Variants in TANC1 observed in about 807,000 individuals in gnomAD.
TANC1 encodes tetratricopeptide repeat, ankyrin repeat and coiled-coil containing 1.
TANC1 carries 77 observed loss-of-function variants against 149.7 expected under a neutral mutation model. The observed-to-expected ratio is 0.51, with a 90% confidence interval of 0.43 to 0.62. The LOEUF (loss-of-function observed/expected upper bound fraction) is 0.62. Ranked by LOEUF, TANC1 falls within the 20% of genes least tolerant of loss-of-function variation. The pLI, the probability that TANC1 is intolerant of heterozygous loss-of-function variation, is 0.00. For missense variants in TANC1, 1,985 were observed against 2,321.8 expected (o/e 0.85, Z 2.98); for synonymous variants, 854 against 925.0 (o/e 0.92, Z 1.39).
At chr2:159,219,931 G>C (rs1396017730) in intron 22 of TANC1, 64 bp downstream of exon 22, 3 of 1,540,698 alleles carry the variant, frequency 1.9e-6, no homozygotes, top group Non-Finnish European at 1.8e-6. Flanking sequence ...GAAGTGAACA[G>C]CTCAATCCAG....
At chr2:158,975,102 T>C (rs1387393366) in intron 1 of TANC1, among the ~76,000 whole-genome samples, 1 of 152,144 alleles carries the variant, frequency 6.6e-6, no homozygotes, top group Non-Finnish European at 1.5e-5. Context: ...TAATATAATG[T>C]AAATGCTAGA....
chr2:159,230,669 C>T lies in TANC1; in HGVS notation c.5243C>T (p.Ala1748Val). 1.9e-6 allele frequency: 3 copies of T among 1,614,204 alleles called. No individual in the cohort carries two copies. The highest frequency in any genetic ancestry group is 2.5e-6 in the Non-Finnish European group (3 of 1,180,040). Residue 1748 changes from alanine to valine, a missense_variant, in exon 27 of 27, where the codon GCA becomes GTA. Transcript: ENST00000263635. The surrounding 1 kb of genome is among the most constrained non-coding windows in gnomAD (Gnocchi z 4.4). ...CCAAGCCGCAGCTGGCACTGTCCGG[C>T]ACCAGAGGGGCTGCTGACAAACACG... ...NPPSRSWHCP[A>V]PEGLLTNTSS...
rs1233121334 is a variant in TANC1, at chr2:159,198,961, G to C, written c.3166-14G>C. On this transcript the variant is annotated splice_polypyrimidine_tract_variant and intron_variant, in intron 18 of 26. Coordinates refer to ENST00000263635, the MANE Select transcript of TANC1 (RefSeq NM_033394.3). ...CTAAGAGAACTCATTAAATCACCTTGCCACTTCTGACAGGTGGTCCAGTGC... is the reference window on the plus strand; with the variant it reads ...CTAAGAGAACTCATTAAATCACCTTCCCACTTCTGACAGGTGGTCCAGTGC... The C allele has an allele frequency of 1.2e-6, 2 of 1,608,018 alleles. No individual in the cohort carries two copies. The highest frequency in any genetic ancestry group is 1.7e-6 in the Non-Finnish European group (2 of 1,174,760).
intron 17 of TANC1, 80 bp downstream of exon 17, chr2:159,194,573 A>C: frequency 1.6e-6 from 2 of 1,258,614 alleles, no homozygotes; most frequent in Non-Finnish European, 2.3e-6. Context: ...TTGCTGGGCC[A>C]GACTCTCTTG....
chr2:158,993,358 C>T (rs1474950260), intron 1 of TANC1, among the ~76,000 whole-genome samples: 1 of 152,074 alleles, frequency 6.6e-6, no homozygotes, highest in African/African-American at 2.4e-5. Context: ...CTCAAGCGAT[C>T]CTTCCACCTC....
At chr2:159,150,248 A>ATT in intron 6 of TANC1, 122 bp from the exon 7 acceptor site, 4 of 697,374 alleles carry the variant, frequency 5.7e-6, no homozygotes, top group East Asian at 2.9e-5. Flanking sequence ...ATCTCTTTAG[A>ATT]TTTTTTTTTT....
intron 4 of TANC1, among the ~76,000 whole-genome samples, chr2:159,124,586 G>T (rs1354240394): frequency 6.6e-6 from 1 of 152,132 alleles, no homozygotes; most frequent in East Asian, 1.9e-4. Flanking sequence ...GTGGCTTAAG[G>T]CCTACTTCCT....
In TANC1 at chr2:159,072,952, A is replaced by G. The variant is rs142099035; in HGVS notation, c.61+6981A>G. Among the ~76,000 whole-genome samples, 12 of 152,292 alleles carry G rather than the reference A, an allele frequency of 7.9e-5. No individual in the cohort carries two copies. In the East Asian group the frequency reaches 2.1e-3, roughly 27 times the overall value. On this transcript the variant is annotated intron_variant, in intron 3 of 26. Transcript: ENST00000263635. ...CCTTTCCCCTATAACAAAACTGGGGAAGCTCTGAGTCATTTGTCTGCCCTG... is the reference window on the plus strand; with the variant it reads ...CCTTTCCCCTATAACAAAACTGGGGGAGCTCTGAGTCATTTGTCTGCCCTG...
chr2:159,007,340 T>C (rs2037313453), intron 2 of TANC1, among the ~76,000 whole-genome samples: 1 of 152,108 alleles, frequency 6.6e-6, no homozygotes, highest in African/African-American at 2.4e-5. Flanking sequence ...GAGACAGGGT[T>C]TTTCCATGTT....
intron 3 of TANC1, among the ~76,000 whole-genome samples, chr2:159,092,645 A>G (rs1167408143): frequency 6.6e-6 from 1 of 152,168 alleles, no homozygotes; most frequent in Admixed American, 6.5e-5. Context: ...AGAGGTTCTT[A>G]TAGATGTCTG....
chr2:159,057,449 C>G (rs2041934528), intron 2 of TANC1, among the ~76,000 whole-genome samples: 1 of 152,172 alleles, frequency 6.6e-6, no homozygotes, highest in African/African-American at 2.4e-5. Context: ...CGAATGAAAA[C>G]CTGCAATTGC....
At position 159,083,220 on chromosome 2, in the gene TANC1, G is replaced by A. The variant is rs578256781; in HGVS notation, c.62-14417G>A. On this transcript the variant is annotated intron_variant, in intron 3 of 26. Transcript: ENST00000263635. ...TCTGCCGGCCTTGGCCTCCCAAAGT[G>A]CTGGGATTACAGGCATGAGCCACCA... is the stretch of plus-strand genomic sequence containing the variant. Among the ~76,000 whole-genome samples, 110 of 151,958 alleles carry A rather than the reference G, an allele frequency of 7.2e-4. 1 individual carries two copies. The highest frequency in any genetic ancestry group is 2.5e-3 in the African/African-American group (102 of 41,446).
chr2:159,201,997 C>T (rs890298418), intron 19 of TANC1, among the ~76,000 whole-genome samples: 8 of 152,224 alleles, frequency 5.3e-5, no homozygotes, highest in South Asian at 4.1e-4. Context: ...CTTAAATTCA[C>T]GCACAAATTC....
intron 14 of TANC1, among the ~76,000 whole-genome samples, chr2:159,181,577 G>A (rs1373972081): frequency 5.3e-5 from 8 of 152,194 alleles, no homozygotes; most frequent in Non-Finnish European, 1.0e-4. Context: ...GATTACAGGC[G>A]TGAGCCACTG....
At chr2:159,138,190 C>G (rs1358599818) in intron 5 of TANC1, among the ~76,000 whole-genome samples, 1 of 152,136 alleles carries the variant, frequency 6.6e-6, no homozygotes, top group Non-Finnish European at 1.5e-5. Context: ...GTTATGAGAT[C>G]TATGGGCTAC....
chr2:159,031,167 T>A (rs964599178), intron 2 of TANC1, among the ~76,000 whole-genome samples: 13 of 152,160 alleles, frequency 8.5e-5, no homozygotes, highest in African/African-American at 2.2e-4. Flanking sequence ...GAAAGCCAAG[T>A]TACTGGATAC....
intron 4 of TANC1, among the ~76,000 whole-genome samples, chr2:159,130,575 CTG>C (rs2049970995): frequency 2.0e-5 from 3 of 152,166 alleles, no homozygotes; most frequent in Non-Finnish European, 2.9e-5. Flanking sequence ...TGGCTCCTGA[CTG>C]TGTGGCCTGC....
intron 4 of TANC1, among the ~76,000 whole-genome samples, chr2:159,122,413 G>A (rs1328381020): frequency 6.6e-6 from 1 of 152,022 alleles, no homozygotes; most frequent in African/African-American, 2.4e-5. Context: ...GAAGTGGCCA[G>A]ACCCTCTTTT....
chr2:159,056,066 T>C (rs902191385), intron 2 of TANC1: 15 of 310,736 alleles, frequency 4.8e-5, no homozygotes, highest in African/African-American at 2.7e-4. Context: ...TCAGACTGCA[T>C]GTAGGCAGCA....
Sources: gnomAD v4.1 joint callset for allele counts (sites outside exome capture counted in the v4.1 genomes callset) on GRCh38, gnomAD v4.1.1 for gene constraint, Gnocchi (gnomAD v3.1) non-coding constraint, MANE v1.5 for transcripts, NCBI Gene and HGNC (gene_info 2026-07-23, HGNC 2026-07-21) for gene names.